Variants in STK4 observed in about 807,000 individuals in gnomAD.
STK4 encodes the protein serine/threonine-protein kinase 4.
In STK4, 30 loss-of-function variants were observed where a neutral mutation model predicts 64.9. The observed-to-expected ratio is 0.46, with a 90% confidence interval of 0.35 to 0.63. STK4 has a LOEUF of 0.63. STK4 is among the 20% of genes least tolerant of loss of function. STK4 has a pLI of 0.01. For missense variants in STK4, 466 were observed against 598.5 expected, an observed-to-expected ratio of 0.78 and a Z score of 2.31; for synonymous variants, 177 against 199.0, an observed-to-expected ratio of 0.89 and a Z score of 0.93.
At chr20:44,980,087 T>C (rs759091274) in intron 3 of STK4, among the ~76,000 whole-genome samples, 2 of 152,164 alleles carry the variant, frequency 1.3e-5, no homozygotes, top group African/African-American at 2.4e-5. Context: ...TATAGACTAA[T>C]TGGACAGGCT....
chr20:44,970,974 T>C (rs1338359402), intron 1 of STK4, among the ~76,000 whole-genome samples: 1 of 151,586 alleles, frequency 6.6e-6, no homozygotes, highest in African/African-American at 2.4e-5. Flanking sequence ...TCTAAACCTT[T>C]TTTTTTCTAC....
At chr20:44,971,757 G>C (rs2067251102) in intron 1 of STK4, among the ~76,000 whole-genome samples, 2 of 138,302 alleles carry the variant, frequency 1.4e-5, no homozygotes, top group South Asian at 4.4e-4. Context: ...TGCAAACTCT[G>C]CCTCCTGGGT....
chr20:45,044,272 A>C (rs755518530), intron 10 of STK4, among the ~76,000 whole-genome samples: 1 of 152,162 alleles, frequency 6.6e-6, no homozygotes, highest in Non-Finnish European at 1.5e-5. Context: ...TTGAGTGCAC[A>C]ATCTCCTGTG....
At chr20:44,997,052 C>T in intron 6 of STK4, 117 bp from the exon 7 acceptor site, 1 of 1,442,644 alleles carries the variant, frequency 6.9e-7, no homozygotes, top group Non-Finnish European at 9.5e-7. Flanking sequence ...GTGAGCTTCT[C>T]AGTGGGTAAG....
chr20:45,065,672 T>C (rs554475104), intron 10 of STK4, among the ~76,000 whole-genome samples: 1 of 152,314 alleles, frequency 6.6e-6, no homozygotes, highest in South Asian at 2.1e-4. Flanking sequence ...TAATAGGTTC[T>C]GGGAATTTTT....
intron 9 of STK4, among the ~76,000 whole-genome samples, chr20:45,010,817 C>T (rs1380846912): frequency 6.6e-6 from 1 of 152,292 alleles, no homozygotes; most frequent in Non-Finnish European, 1.5e-5. Context: ...AGTTACTCTA[C>T]ATATGTCCTC....
At chr20:44,978,801 CT>C (rs1156357868) in intron 3 of STK4, among the ~76,000 whole-genome samples, 1,553 of 126,940 alleles carry the variant, frequency 0.012, 18 homozygotes, top group African/African-American at 0.04. Flanking sequence ...TTCAATTTTT[CT>C]TTTTTTTTTT....
chr20:45,011,145 T>C (rs987501761), intron 9 of STK4, among the ~76,000 whole-genome samples: 3 of 152,196 alleles, frequency 2.0e-5, no homozygotes, highest in African/African-American at 7.2e-5. Flanking sequence ...TTTGTTGTTG[T>C]TTTTGTTTTT....
intron 9 of STK4, among the ~76,000 whole-genome samples, chr20:45,003,393 C>T (rs1169337289): frequency 6.6e-6 from 1 of 152,160 alleles, no homozygotes; most frequent in African/African-American, 2.4e-5. Flanking sequence ...TCCTATGGGT[C>T]TCAGTGCCCT....
intron 10 of STK4, among the ~76,000 whole-genome samples, chr20:45,059,442 A>G (rs1978798470): frequency 6.6e-6 from 1 of 152,192 alleles, no homozygotes; most frequent in Non-Finnish European, 1.5e-5. Context: ...CTGAACACAA[A>G]TACTGTGATA....
chr20:45,019,291 A>C (rs2068200677), intron 9 of STK4, among the ~76,000 whole-genome samples: 1 of 152,194 alleles, frequency 6.6e-6, no homozygotes. Flanking sequence ...AAATGGAATC[A>C]TATAACATGT....
chr20:45,037,112 C>T (rs1488781819), intron 10 of STK4, among the ~76,000 whole-genome samples: 5 of 152,058 alleles, frequency 3.3e-5, no homozygotes. Context: ...CTGGTAAGTT[C>T]TCTCCATAAA....
At chr20:45,018,202 AGTTGTT>A (rs555205856) in intron 9 of STK4, among the ~76,000 whole-genome samples, 3 of 151,928 alleles carry the variant, frequency 2.0e-5, no homozygotes, top group Admixed American at 6.6e-5. Flanking sequence ...GGATTACCAG[AGTTGTT>A]GTTGTTGTTG....
rs145388364 is a variant in STK4 at position 45,008,908 on chromosome 20, AT to A, written c.1147+7565del. Among the ~76,000 whole-genome samples, 651 of 149,184 alleles carry A rather than the reference AT, an allele frequency of 4.4e-3. 5 individuals carry two copies. The highest frequency in any genetic ancestry group is 0.014 in the African/African-American group (585 of 40,728). On this transcript the variant is annotated intron_variant, in intron 9 of 10. Coordinates refer to ENST00000372806, the MANE Select transcript of STK4 (RefSeq NM_006282.5). ...GTTTTTTGCTTGTTGATTTGTGTAAATTTTTTTTTTATAGATTCTGGATATT... is the reference window on the plus strand; with the variant it reads ...GTTTTTTGCTTGTTGATTTGTGTAAATTTTTTTTTATAGATTCTGGATATT...
intron 5 of STK4, among the ~76,000 whole-genome samples, chr20:44,991,048 G>A (rs1203740364): frequency 6.6e-6 from 1 of 151,902 alleles, no homozygotes; most frequent in Non-Finnish European, 1.5e-5. Flanking sequence ...TTTCCCCTTT[G>A]TTTTTTTATT....
chr20:45,026,128 GTTT>G (rs33913833), intron 10 of STK4, among the ~76,000 whole-genome samples: 1 of 128,972 alleles, frequency 7.8e-6, no homozygotes, highest in Non-Finnish European at 1.6e-5. Context: ...TTATCCAGTG[GTTT>G]TTTTTTTTTT....
At chr20:45,072,724 T>G (rs1802161861) in intron 10 of STK4, among the ~76,000 whole-genome samples, 1 of 152,130 alleles carries the variant, frequency 6.6e-6, no homozygotes, top group Non-Finnish European at 1.5e-5. Context: ...TGAAATAGAG[T>G]AGAATATTTT....
chr20:44,970,643 A>G (rs1262998033), intron 1 of STK4: 2 of 152,172 alleles, frequency 1.3e-5, no homozygotes, highest in African/African-American at 4.8e-5. Flanking sequence ...TTTAATTTTT[A>G]GGACCTTTTG....
At chr20:45,039,151 A>T (rs1275228754) in intron 10 of STK4, among the ~76,000 whole-genome samples, 1 of 152,130 alleles carries the variant, frequency 6.6e-6, no homozygotes, top group Non-Finnish European at 1.5e-5. Context: ...AACTAAATTC[A>T]TGAAATTTTC....
Sources: gnomAD v4.1 joint callset for allele counts (sites outside exome capture counted in the v4.1 genomes callset) on GRCh38, gnomAD v4.1.1 for gene constraint, MANE v1.5 for transcripts, NCBI Gene and HGNC (gene_info 2026-07-23, HGNC 2026-07-21) for gene names.